The following A3GALT2 variants were observed in gnomAD, a reference collection of about 807,000 sequenced individuals.
A3GALT2 encodes alpha-1,3-galactosyltransferase 2.
A neutral mutation model predicts 16.6 loss-of-function variants in A3GALT2; 14 were observed. The ratio of observed to expected loss-of-function variants is 0.84; its 90% CI spans 0.56 to 1.32. The LOEUF (loss-of-function observed/expected upper bound fraction) is 1.32, where lower values mean the gene tolerates loss of function less well. A3GALT2 is among the 40% of genes most tolerant of loss of function. The probability of loss-of-function intolerance (pLI) is 0.00; values close to 1 mark genes in which losing one functional copy is unlikely to be tolerated. For synonymous variants in A3GALT2, 253 were observed against 218.0 expected, an observed-to-expected ratio of 1.16 and a Z score of -1.42; for missense variants, 600 against 490.9, an observed-to-expected ratio of 1.22 and a Z score of -2.10.
chr1:33,312,418 GA>G (rs1646237280), intron 3 of A3GALT2, 82 bp downstream of exon 3: 10 of 1,396,590 alleles, frequency 7.2e-6, no homozygotes, highest in Non-Finnish European at 8.8e-6. Context: ...TGGGGTGGGA[GA>G]TGTGTGGAGG....
At chr1:33,310,307 G>A (rs930754478) in intron 4 of A3GALT2, among the ~76,000 whole-genome samples, 1 of 147,566 alleles carries the variant, frequency 6.8e-6, no homozygotes, top group Non-Finnish European at 1.5e-5. Flanking sequence ...GAGAGGGAGA[G>A]GGAGAGGGAG....
At chr1:33,310,345 G>GAGACCAGGGAGAGGA (rs1174121558) in intron 4 of A3GALT2, among the ~76,000 whole-genome samples, 1 of 149,686 alleles carries the variant, frequency 6.7e-6, no homozygotes, top group Non-Finnish European at 1.5e-5. Flanking sequence ...CGGGGAGAGG[G>GAGACCAGGGAGAGGA]AGACCAGGGA....
chr1:33,307,234 G>T lies in A3GALT2; in HGVS notation c.555C>A (p.Gly185=). ...AGTGCGCCTCGCGGCCCGGCAGCCC[G>T]CCCAGCGCCGCGTGCAACGTGCGCA... The part of the protein sequence containing the change: ...ARMRTLHAAL[G]GLPGREAHFM... The change falls in exon 5 of 5, where the codon GGC becomes GGA. Residue 185 remains glycine (G), a synonymous_variant. Coordinates refer to ENST00000442999, the MANE Select transcript of A3GALT2 (RefSeq NM_001080438.1). 2 of 1,486,098 alleles carry T rather than the reference G, an allele frequency of 1.3e-6. No individual in the cohort carries two copies. The highest frequency in any genetic ancestry group is 2.9e-5 in the East Asian group (1 of 34,342). 92.1% of individuals were successfully genotyped at this position (1,486,098 alleles called of 1,614,324 possible).
chr1:33,315,365 A>G (rs1196406401), intron 1 of A3GALT2, among the ~76,000 whole-genome samples: 1 of 141,596 alleles, frequency 7.1e-6, no homozygotes, highest in East Asian at 2.1e-4. Context: ...CTGGTGACAG[A>G]GCAAGACTCT....
chr1:33,308,637 C>T (rs1398486732), intron 4 of A3GALT2, among the ~76,000 whole-genome samples: 1 of 151,562 alleles, frequency 6.6e-6, no homozygotes, highest in Non-Finnish European at 1.5e-5. Flanking sequence ...GAACTCTGAC[C>T]TCAGGTGATC....
At chr1:33,310,668 A>G (rs1646229226) in intron 4 of A3GALT2, among the ~76,000 whole-genome samples, 1 of 152,194 alleles carries the variant, frequency 6.6e-6, no homozygotes, top group South Asian at 2.1e-4. Context: ...CTGTACCTTT[A>G]CTTGCACTTG....
At chr1:33,309,755 G>A (rs1646224203) in intron 4 of A3GALT2, among the ~76,000 whole-genome samples, 1 of 151,910 alleles carries the variant, frequency 6.6e-6, no homozygotes, top group Non-Finnish European at 1.5e-5. Flanking sequence ...GGGCGGCCGG[G>A]CAGAGACGCT....
chr1:33,308,750 GTTTTT>G (rs56655319), intron 4 of A3GALT2, among the ~76,000 whole-genome samples: 44 of 46,118 alleles, frequency 9.5e-4, no homozygotes, highest in East Asian at 4.9e-3. Context: ...TGTCAAAGTT[GTTTTT>G]TTTTTTTTTT....
At chr1:33,317,509 C>G (rs1345717216) in intron 1 of A3GALT2, among the ~76,000 whole-genome samples, 1 of 152,208 alleles carries the variant, frequency 6.6e-6, no homozygotes, top group Non-Finnish European at 1.5e-5. Flanking sequence ...GTCCACATCT[C>G]TTAACCATGC....
chr1:33,308,541 A>C (rs1471067857), intron 4 of A3GALT2, among the ~76,000 whole-genome samples: 1 of 151,826 alleles, frequency 6.6e-6, no homozygotes, highest in Non-Finnish European at 1.5e-5. Context: ...AGTAGCTGGG[A>C]TTACAAGTGG....
At chr1:33,311,578 G>C (rs1451703728) in intron 4 of A3GALT2, among the ~76,000 whole-genome samples, 1 of 152,052 alleles carries the variant, frequency 6.6e-6, no homozygotes, top group East Asian at 1.9e-4. Context: ...CAGCTCCCCA[G>C]CCCCTCTCCC....
chr1:33,307,396 C>G lies in A3GALT2; in HGVS notation c.393G>C (p.Ala131=), dbSNP rs755293901. 4 of 1,563,030 alleles carry G rather than the reference C, an allele frequency of 2.6e-6. No homozygotes were observed. The African/African-American group carries it at 5.6e-5, about 22-fold the overall frequency. ...ACACGTAGTACATCACGCTCTGGCC[C>G]GCCATGAAGTGCTGCTCCGCCGTCT... is the stretch of plus-strand genomic sequence containing the variant. ...FLETAEQHFM[A]GQSVMYYVFT... The change falls in exon 5 of 5, where the codon GCG becomes GCC. Residue 131 remains alanine (A), a synonymous_variant. Coordinates refer to ENST00000442999, the MANE Select transcript of A3GALT2 (RefSeq NM_001080438.1).
chr1:33,316,292 G>T (rs1002821799), intron 1 of A3GALT2, among the ~76,000 whole-genome samples: 2 of 152,124 alleles, frequency 1.3e-5, no homozygotes, highest in Non-Finnish European at 2.9e-5. Flanking sequence ...GGATGAGGCT[G>T]CAGAGGTGAG....
rs1646283430 is a variant in A3GALT2 at position 33,320,985 on chromosome 1, C to T, written c.23+91G>A. The stretch of plus-strand genomic sequence containing the variant: ...ACTCCTGGGCTCACTCTGGTGCCTC[C>T]CCTTGGTACTGTTTTAGCCATCAGA... On this transcript the variant is annotated intron_variant, in intron 1 of 4. Coordinates refer to ENST00000442999, the MANE Select transcript of A3GALT2 (RefSeq NM_001080438.1). The surrounding 1 kb of genome is among the most constrained non-coding windows in gnomAD (Gnocchi z 4.3). 1.9e-6 allele frequency: 3 copies of T among 1,542,060 alleles called. No homozygotes were observed. The highest frequency in any genetic ancestry group is 8.9e-7 in the Non-Finnish European group (1 of 1,118,116).
intron 1 of A3GALT2, among the ~76,000 whole-genome samples, chr1:33,316,113 T>A (rs958767210): frequency 1.3e-5 from 2 of 152,140 alleles, no homozygotes; most frequent in African/African-American, 4.8e-5. Context: ...AGTTGACTTC[T>A]AAGGTAGGAC....
Position 33,320,332 on chromosome 1 carries a change from T to G in A3GALT2, c.23+744A>C, listed in dbSNP as rs998554174. On this transcript the variant is annotated intron_variant, in intron 1 of 4. Coordinates refer to ENST00000442999, the MANE Select transcript of A3GALT2 (RefSeq NM_001080438.1). This position sits in a 1 kb window ranked among gnomAD's most constrained non-coding sequence, Gnocchi z 4.3. The stretch of plus-strand genomic sequence containing the variant: ...CTCCCCCTCTGTGGCTGTCCCACCC[T>G]CTTCACCAGCCTCCTCCCAACCAGG... Among the ~76,000 whole-genome samples the G allele has an allele frequency of 3.9e-5, 6 of 152,022 alleles. No individual in the cohort carries two copies. Among genetic ancestry groups the G allele is most frequent in the African/African-American group, 1.4e-4 (6 of 41,438 alleles).
chr1:33,315,194 CAA>C (rs1237052892), intron 1 of A3GALT2, among the ~76,000 whole-genome samples: 1 of 152,084 alleles, frequency 6.6e-6, no homozygotes, highest in Non-Finnish European at 1.5e-5. Flanking sequence ...CCATCCTGGC[CAA>C]CACGGTGAAA....
At position 33,320,944 on chromosome 1, in the gene A3GALT2, T is replaced by C. The variant is rs1646283227; in HGVS notation, c.23+132A>G. The stretch of plus-strand genomic sequence containing the variant: ...TCTCGGAGCCACCTTTCCCCAGGAC[T>C]GGAGGCTCAGCTGGTACTCCTGGGC... On this transcript the variant is annotated intron_variant, in intron 1 of 4. Transcript: ENST00000442999. This position sits in a 1 kb window ranked among gnomAD's most constrained non-coding sequence, Gnocchi z 4.3. The C allele has an allele frequency of 8.4e-7, 1 of 1,187,072 alleles. No individual in the cohort carries two copies. The highest frequency in any genetic ancestry group is 2.4e-5 in the East Asian group (1 of 41,976). The allele number at this position is 1,187,072 out of a possible 1,614,324, so 73.5% of individuals were successfully genotyped here. A position where few individuals can be genotyped will look rare whatever the true frequency, so the allele number is the denominator to read the frequency against.
rs547564957 is a variant in A3GALT2 at position 33,312,584 on chromosome 1, C to T, written c.114G>A (p.Leu38=). Residue 38 remains leucine, a synonymous_variant, in exon 3 of 5, where the codon CTG becomes CTA. Coordinates refer to ENST00000442999, the MANE Select transcript of A3GALT2 (RefSeq NM_001080438.1). ...FLYGLPKFRH[L]EALIPMGVCP... ...AGACGCCCATGGGGATGAGGGCTTC[C>T]AGATGCCTGTGGTGGGTTGAGGGGC... The T allele has an allele frequency of 8.8e-6, 14 of 1,587,500 alleles. No homozygotes were observed. Among genetic ancestry groups the T allele is most frequent in the Non-Finnish European group, 1.1e-5 (13 of 1,165,430 alleles).
Sources: gnomAD v4.1 joint callset for allele counts (sites outside exome capture counted in the v4.1 genomes callset) on GRCh38, gnomAD v4.1.1 for gene constraint, Gnocchi (gnomAD v3.1) non-coding constraint, MANE v1.5 for transcripts, NCBI Gene and HGNC (gene_info 2026-07-23, HGNC 2026-07-21) for gene names.